The following ZDHHC6 variants were observed in gnomAD, a reference collection of about 807,000 sequenced individuals.
ZDHHC6 encodes the protein palmitoyltransferase ZDHHC6.
A neutral mutation model predicts 57.8 loss-of-function variants in ZDHHC6; 32 were observed. The ratio of observed to expected loss-of-function variants is 0.55; its 90% confidence interval spans 0.42 to 0.74. ZDHHC6 has a LOEUF of 0.74. Among genes scored for constraint, ZDHHC6 ranks in the 30% least tolerant of loss-of-function variants. The probability of loss-of-function intolerance (pLI) is 0.00; values close to 1 mark genes in which losing one functional copy is unlikely to be tolerated. For synonymous variants in ZDHHC6, 128 were observed against 158.0 expected, an observed-to-expected ratio of 0.81 and a Z score of 1.42; for missense variants, 433 against 500.7, an observed-to-expected ratio of 0.86 and a Z score of 1.29.
At chr10:112,434,173 C>A in intron 7 of ZDHHC6, 124 bp downstream of exon 7, 1 of 934,936 alleles carries the variant, frequency 1.1e-6, no homozygotes, top group Non-Finnish European at 1.5e-6. Context: ...TTATTAGATT[C>A]ATTTTGACAT....
chr10:112,442,349 C>T lies in ZDHHC6; in HGVS notation c.362G>A (p.Cys121Tyr). 1.9e-6 allele frequency: 3 copies of T among 1,601,778 alleles called. No individual in the cohort carries two copies. Among genetic ancestry groups the T allele is most frequent in the Non-Finnish European group, 2.6e-6 (3 of 1,176,466 alleles). Residue 121 changes from cysteine (C) to tyrosine (Y), a missense_variant and splice_region_variant, in exon 4 of 11, where the codon TGT becomes TAT. By Grantham distance (194) the Cys-to-Tyr change is radical. Transcript: ENST00000369405. ...ACAGTGATGGTCCATCTTCATCACACATCTAACAAGAAAAATTTACATAAA... is the reference window on the plus strand; with the variant it reads ...ACAGTGATGGTCCATCTTCATCACATATCTAACAAGAAAAATTTACATAAA... ...RSHHCRKCNRCVMKMDHHCPW... is the reference protein window; with the variant it reads ...RSHHCRKCNRYVMKMDHHCPW...
intron 5 of ZDHHC6, among the ~76,000 whole-genome samples, chr10:112,439,455 A>T (rs961400611): frequency 2.0e-5 from 3 of 151,300 alleles, no homozygotes; most frequent in African/African-American, 7.3e-5. Context: ...AGATGGTGAA[A>T]CCCCGTCTCC....
intron 6 of ZDHHC6, among the ~76,000 whole-genome samples, chr10:112,436,285 G>A (rs1041706225): frequency 6.6e-6 from 1 of 152,170 alleles, no homozygotes. Context: ...GACCAGCCTG[G>A]CCAACATGGT....
At chr10:112,441,104 C>T (rs1231255846) in intron 4 of ZDHHC6, among the ~76,000 whole-genome samples, 3 of 152,212 alleles carry the variant, frequency 2.0e-5, no homozygotes, top group African/African-American at 7.2e-5. Context: ...CTCAGCCTCC[C>T]AAAGTGCTAG....
intron 5 of ZDHHC6, among the ~76,000 whole-genome samples, chr10:112,440,116 G>A (rs974873907): frequency 4.5e-5 from 4 of 88,466 alleles, no homozygotes; most frequent in South Asian, 5.9e-4. Context: ...CATCTGTCGG[G>A]AAGGGAAAAT....
At position 112,430,880 on chromosome 10, in the gene ZDHHC6, G is replaced by A; in HGVS notation, c.1166C>T (p.Pro389Leu). 6.2e-7 allele frequency: 1 copy of A among 1,613,680 alleles called. No homozygotes were observed. Among genetic ancestry groups the A allele is most frequent in the Non-Finnish European group, 8.5e-7 (1 of 1,179,828 alleles). Residue 389 changes from proline (P) to leucine (L), a missense_variant, in exon 11 of 11, where the codon CCT (proline) becomes CTT (leucine). Physicochemically the swap from Pro to Leu is moderately conservative, Grantham distance 98 (BLOSUM62 -3). Coordinates refer to ENST00000369405, the MANE Select transcript of ZDHHC6 (RefSeq NM_022494.3). ...GGGACACTTTTCCACACATTTTCTA[G>A]GGAACCAACCCCTTATTCTTGAAAC... is the stretch of plus-strand genomic sequence containing the variant. Reference protein sequence around the residue: ...EGVSRIRGWFPRKCVEKCPCD... With the variant: ...EGVSRIRGWFLRKCVEKCPCD...
At chr10:112,432,204 G>T (rs1198016977) in intron 10 of ZDHHC6, 36 bp downstream of exon 10, 18 of 1,569,894 alleles carry the variant, frequency 1.1e-5, no homozygotes, top group Non-Finnish European at 1.5e-5. Flanking sequence ...ATTGCTAATA[G>T]TCTTGTCCTT....
At chr10:112,446,255 G>A (rs564692687) in intron 1 of ZDHHC6, among the ~76,000 whole-genome samples, 1 of 152,280 alleles carries the variant, frequency 6.6e-6, no homozygotes, top group African/African-American at 2.4e-5. Flanking sequence ...AGCAAAGAGA[G>A]CATGCAAGGA....
downstream of ZDHHC6, chr10:112,427,085 G>A: frequency 1.0e-6 from 1 of 976,988 alleles, no homozygotes; most frequent in Non-Finnish European, 1.5e-6. Context: ...ATGTTTGTGG[G>A]AATGGGCATG....
chr10:112,434,278 T>G lies in ZDHHC6; in HGVS notation c.903+19A>C. On this transcript the variant is annotated intron_variant, in intron 7 of 10. Transcript: ENST00000369405. ...AAGGCGAGGCAAAAAGGAAGGGCTA[T>G]TTGAACAAAAATACTCACTGTTAAG... 6.5e-7 allele frequency: 1 copy of G among 1,539,736 alleles called. No individual in the cohort carries two copies.
At chr10:112,432,095 A>C (rs777940510) in intron 10 of ZDHHC6, 145 bp downstream of exon 10, 10 of 707,510 alleles carry the variant, frequency 1.4e-5, no homozygotes, top group Non-Finnish European at 2.3e-5. Flanking sequence ...TATATAAGGA[A>C]GTTCCTTTTG....
chr10:112,436,143 G>C (rs1026073138), intron 6 of ZDHHC6, among the ~76,000 whole-genome samples: 2 of 152,174 alleles, frequency 1.3e-5, no homozygotes, highest in Non-Finnish European at 1.5e-5. Context: ...GTGTGAGACA[G>C]GGTAGAGAAG....
rs748137962 is a variant in ZDHHC6, at chr10:112,430,844, T to C, written c.1202A>G (p.Glu401Gly). Residue 401 changes from glutamate to glycine, a missense_variant, in exon 11 of 11, where the codon GAA becomes GGA. By Grantham distance (98) the Glu-to-Gly change is moderately conservative (BLOSUM62 -2). Transcript: ENST00000369405. ...KCVEKCPCDA[E>G]TDQAPEGEKK... The stretch of plus-strand genomic sequence containing the variant: ...CTCCCCCTCTGGGGCTTGATCTGTT[T>C]CAGCATCACAGGGACACTTTTCCAC... 3 of 1,614,020 alleles carry C rather than the reference T, an allele frequency of 1.9e-6. No individual in the cohort carries two copies. In the East Asian group the frequency reaches 6.7e-5, roughly 36 times the overall value.
rs996564990 is a variant in ZDHHC6 at position 112,445,171 on chromosome 10, G to C, written c.266C>G (p.Pro89Arg). ...GPGFVPLGWKPEISQDTMYLQ... is the reference protein window; with the variant it reads ...GPGFVPLGWKREISQDTMYLQ... ...ATTGTCTTACAGAATCTTTCTTACC[G>C]GTTTCCACCCCAGAGGGACAAAGCC... The change falls in exon 2 of 11, where the codon CCG (proline) becomes CGG (arginine). Residue 89 changes from proline (P) to arginine (R), a missense_variant and splice_region_variant. Transcript: ENST00000369405. 1 of 1,609,958 alleles carries C rather than the reference G, an allele frequency of 6.2e-7. No homozygotes were observed. The highest frequency in any genetic ancestry group is 8.5e-7 in the Non-Finnish European group (1 of 1,177,020).
chr10:112,430,115 C>G (rs546233160), downstream of ZDHHC6, among the ~76,000 whole-genome samples: 2 of 152,358 alleles, frequency 1.3e-5, no homozygotes, highest in African/African-American at 4.8e-5. Flanking sequence ...CCACTGCCAT[C>G]CGCTGCCATC....
chr10:112,431,736 GAA>G (rs5787963), intron 10 of ZDHHC6, among the ~76,000 whole-genome samples: 76 of 144,010 alleles, frequency 5.3e-4, no homozygotes, highest in African/African-American at 1.8e-3. Context: ...TAAAACTTAA[GAA>G]AAAAAAAAAC....
chr10:112,441,312 C>A (rs1029872453), intron 4 of ZDHHC6, among the ~76,000 whole-genome samples: 2 of 152,218 alleles, frequency 1.3e-5, no homozygotes. Flanking sequence ...TAAACCAGAA[C>A]TATGTCTTTT....
At chr10:112,434,152 G>A (rs950157476) in intron 7 of ZDHHC6, 145 bp downstream of exon 7, 20 of 738,266 alleles carry the variant, frequency 2.7e-5, no homozygotes, top group Non-Finnish European at 3.9e-5. Flanking sequence ...GATACAAGGA[G>A]TGCTTTAGAA....
chr10:112,427,197 G>A (rs767998997), downstream of ZDHHC6: 12 of 1,598,346 alleles, frequency 7.5e-6, no homozygotes, highest in Non-Finnish European at 9.4e-6. Flanking sequence ...GAGCATGGAT[G>A]TGTGTGTGTT....
Sources: allele counts gnomAD v4.1 joint callset (sites outside exome capture counted in the v4.1 genomes callset), GRCh38; gene constraint gnomAD v4.1.1; transcripts MANE v1.5; gene names NCBI Gene and HGNC (gene_info 2026-07-23, HGNC 2026-07-21).